Variants in GPR39 observed in about 807,000 individuals in gnomAD.
GPR39 encodes zinc sensing receptor.
A neutral mutation model predicts 18.4 loss-of-function variants in GPR39; 23 were observed. The ratio of observed to expected loss-of-function variants is 1.25; its 90% CI spans 0.90 to 1.77. The LOEUF (loss-of-function observed/expected upper bound fraction) is 1.77, where lower values mean the gene tolerates loss of function less well. GPR39 is among the 40% of genes most tolerant of loss of function. The probability of loss-of-function intolerance (pLI) is 0.00; values close to 1 mark genes in which losing one functional copy is unlikely to be tolerated. For synonymous variants in GPR39, 280 were observed against 257.9 expected, an observed-to-expected ratio of 1.09 and a Z score of -0.82; for missense variants, 647 against 602.4, an observed-to-expected ratio of 1.07 and a Z score of -0.78.
intron 1 of GPR39, among the ~76,000 whole-genome samples, chr2:132,614,302 G>A (rs1227757714): frequency 3.3e-5 from 5 of 152,014 alleles, no homozygotes; most frequent in African/African-American, 1.2e-4. Flanking sequence ...CATCTCCCGG[G>A]TTCAAGCGAT....
chr2:132,466,523 G>A (rs769469638), intron 1 of GPR39, among the ~76,000 whole-genome samples: 1 of 152,122 alleles, frequency 6.6e-6, no homozygotes, highest in Admixed American at 6.5e-5. Context: ...GTTCTGTGGT[G>A]TCTGTTGAGA....
chr2:132,502,667 C>T lies in GPR39; in HGVS notation c.856+84769C>T, dbSNP rs182926133. Among the ~76,000 whole-genome samples the T allele has an allele frequency of 4.6e-5, 7 of 152,230 alleles. No individual in the cohort carries two copies. In the East Asian group the frequency reaches 7.7e-4, roughly 17 times the overall value. Reference sequence around the variant, plus strand: ...CAATTATTCCCTCAAATATGTTTTCCGAACTTTTAGATTTCTCTTCTTCTT... The same window carrying T: ...CAATTATTCCCTCAAATATGTTTTCTGAACTTTTAGATTTCTCTTCTTCTT... On this transcript the variant is annotated intron_variant, in intron 1 of 1. Coordinates refer to ENST00000329321, the MANE Select transcript of GPR39 (RefSeq NM_001508.3).
intron 1 of GPR39, among the ~76,000 whole-genome samples, chr2:132,637,198 G>A (rs1681777432): frequency 1.3e-5 from 2 of 152,226 alleles, no homozygotes; most frequent in South Asian, 4.1e-4. Flanking sequence ...GAGTGCAAGT[G>A]TCTGTCCTAC....
chr2:132,509,991 G>A (rs1679211204), intron 1 of GPR39, among the ~76,000 whole-genome samples: 1 of 152,186 alleles, frequency 6.6e-6, no homozygotes, highest in South Asian at 2.1e-4. Context: ...GAGGGGAGGA[G>A]AGAGGCATTT....
At chr2:132,446,275 A>G (rs566625323) in intron 1 of GPR39, among the ~76,000 whole-genome samples, 1 of 152,342 alleles carries the variant, frequency 6.6e-6, no homozygotes, top group African/African-American at 2.4e-5. Context: ...TGTGCCAGGC[A>G]TGTGCTGGGC....
At chr2:132,525,367 G>A (rs1679489146) in intron 1 of GPR39, among the ~76,000 whole-genome samples, 2 of 152,214 alleles carry the variant, frequency 1.3e-5, no homozygotes, top group Admixed American at 1.3e-4. Flanking sequence ...GAAAATGTGT[G>A]ACGGCTGTAA....
At chr2:132,595,107 T>C (rs564180945) in intron 1 of GPR39, among the ~76,000 whole-genome samples, 14 of 152,210 alleles carry the variant, frequency 9.2e-5, no homozygotes, top group African/African-American at 1.2e-4. Flanking sequence ...TAAGCAATTC[T>C]CCTGCCTCAG....
chr2:132,457,290 G>A (rs4416272), intron 1 of GPR39, among the ~76,000 whole-genome samples: 78,005 of 152,020 alleles, frequency 0.51, 21,494 homozygotes, highest in Non-Finnish European at 0.62. Context: ...AAGCTTATGC[G>A]TGCATCATGA....
intron 1 of GPR39, among the ~76,000 whole-genome samples, chr2:132,566,799 T>A (rs535854392): frequency 1.3e-5 from 2 of 152,292 alleles, no homozygotes; most frequent in East Asian, 3.9e-4. Flanking sequence ...CCAATACACA[T>A]TCCCTGGCCA....
chr2:132,576,783 A>G (rs777244833), intron 1 of GPR39, among the ~76,000 whole-genome samples: 6 of 152,190 alleles, frequency 3.9e-5, no homozygotes, highest in Non-Finnish European at 8.8e-5. Flanking sequence ...TTAATTTCAC[A>G]TAAGGGTGTG....
intron 1 of GPR39, among the ~76,000 whole-genome samples, chr2:132,637,735 G>A (rs969480575): frequency 2.0e-5 from 3 of 152,220 alleles, no homozygotes; most frequent in African/African-American, 7.2e-5. Context: ...AGCTCTCAGG[G>A]AAGGTGCAGT....
chr2:132,533,368 A>T (rs1573651449), intron 1 of GPR39, among the ~76,000 whole-genome samples: 1 of 150,542 alleles, frequency 6.6e-6, no homozygotes, highest in Non-Finnish European at 1.5e-5. Flanking sequence ...ATGGAAGAAC[A>T]TTCCATGCTC....
chr2:132,492,727 C>G (rs1222889106), intron 1 of GPR39, among the ~76,000 whole-genome samples: 4 of 67,710 alleles, frequency 5.9e-5, no homozygotes, highest in African/African-American at 1.5e-4. Context: ...CATATATATA[C>G]CATATATATA....
chr2:132,446,990 T>C (rs993228128), intron 1 of GPR39, among the ~76,000 whole-genome samples: 1 of 152,042 alleles, frequency 6.6e-6, no homozygotes, highest in Non-Finnish European at 1.5e-5. Flanking sequence ...CATGTAATAG[T>C]GTTGGGCAGA....
chr2:132,547,406 C>G (rs983241309), intron 1 of GPR39, among the ~76,000 whole-genome samples: 1 of 152,044 alleles, frequency 6.6e-6, no homozygotes, highest in African/African-American at 2.4e-5. Context: ...TTTCCAGGCC[C>G]GGCAAAGCTG....
At chr2:132,494,560 C>T (rs1403258922) in intron 1 of GPR39, among the ~76,000 whole-genome samples, 2 of 152,172 alleles carry the variant, frequency 1.3e-5, no homozygotes, top group Admixed American at 6.5e-5. Context: ...CTTCCCTGAG[C>T]AGCCGAATTG....
At chr2:132,459,988 A>G (rs950414546) in intron 1 of GPR39, among the ~76,000 whole-genome samples, 2 of 152,182 alleles carry the variant, frequency 1.3e-5, no homozygotes, top group Non-Finnish European at 2.9e-5. Context: ...TATCAGACCT[A>G]AAAGTAAAAG....
intron 1 of GPR39, among the ~76,000 whole-genome samples, chr2:132,491,212 G>A (rs988102932): frequency 2.0e-5 from 3 of 152,036 alleles, no homozygotes; most frequent in Non-Finnish European, 2.9e-5. Context: ...AGTATCTTTC[G>A]AACTAAACCA....
At chr2:132,589,468 A>G (rs1342762791) in intron 1 of GPR39, among the ~76,000 whole-genome samples, 1 of 152,204 alleles carries the variant, frequency 6.6e-6, no homozygotes, top group Non-Finnish European at 1.5e-5. Context: ...TAAAACTTTC[A>G]TATCCTTTAA....
Sources: allele counts gnomAD v4.1 joint callset (sites outside exome capture counted in the v4.1 genomes callset), GRCh38; gene constraint gnomAD v4.1.1; transcripts MANE v1.5; gene names NCBI Gene and HGNC (gene_info 2026-07-23, HGNC 2026-07-21).